SGIP1: variants seen among roughly 807,000 people sequenced by gnomAD.
SGIP1 encodes the protein SH3-containing GRB2-like protein 3-interacting protein 1.
In SGIP1, 38 loss-of-function variants were observed where a neutral mutation model predicts 107.5. That is an observed-to-expected ratio of 0.35 (90% CI 0.27 to 0.46). The LOEUF is 0.46. Among genes scored for constraint, SGIP1 ranks in the 20% least tolerant of loss-of-function variants. The probability of loss-of-function intolerance (pLI) is 1.00; values close to 1 mark genes in which losing one functional copy is unlikely to be tolerated. For synonymous variants in SGIP1, 365 were observed against 366.1 expected, an observed-to-expected ratio of 1.00 and a Z score of 0.03; for missense variants, 929 against 1,019.5, an observed-to-expected ratio of 0.91 and a Z score of 1.21.
intron 15 of SGIP1, chr1:66,684,247 G>C: frequency 6.5e-7 from 1 of 1,549,244 alleles, no homozygotes; most frequent in South Asian, 1.2e-5. Flanking sequence ...CTTTTGTAAG[G>C]TTTGGTCATA....
intron 8 of SGIP1, among the ~76,000 whole-genome samples, chr1:66,665,283 C>T (rs898630466): frequency 3.3e-5 from 5 of 152,160 alleles, no homozygotes; most frequent in East Asian, 1.9e-4. Flanking sequence ...TCATCCATGT[C>T]CCTGCAAAGG....
At chr1:66,663,861 G>A (rs1481795534) in intron 8 of SGIP1, among the ~76,000 whole-genome samples, 2 of 152,126 alleles carry the variant, frequency 1.3e-5, no homozygotes, top group Non-Finnish European at 2.9e-5. Context: ...TAATATATTT[G>A]AAATTATTTT....
At position 66,750,918 on chromosome 1, in the gene SGIP1, T is replaced by C. The variant is rs1251871045; in HGVS notation, c.*7823T>C. 6.6e-6 allele frequency among the ~76,000 whole-genome samples: 1 copy of C among 152,240 alleles called. No homozygotes were observed. Among genetic ancestry groups the C allele is most frequent in the South Asian group, 2.1e-4 (1 of 4,828 alleles). ...GTTAGAAATAGTATGGATATCACTC[T>C]TTGTAAATAATAATTTTTGTAAATG... On this transcript the variant is annotated 3_prime_UTR_variant, in exon 25 of 25. Transcript: ENST00000371037.
At chr1:66,676,189 A>G (rs1441169213) in intron 12 of SGIP1, among the ~76,000 whole-genome samples, 1 of 152,230 alleles carries the variant, frequency 6.6e-6, no homozygotes, top group Non-Finnish European at 1.5e-5. Context: ...GAGGTTAAGC[A>G]ACCTGCCAAG....
At chr1:66,731,218 C>T (rs369624677) in intron 20 of SGIP1, among the ~76,000 whole-genome samples, 3 of 152,162 alleles carry the variant, frequency 2.0e-5, no homozygotes, top group Non-Finnish European at 2.9e-5. Context: ...TCTCTTAATT[C>T]GAATTCTTGC....
At chr1:66,595,057 C>T (rs143445938) in intron 1 of SGIP1, among the ~76,000 whole-genome samples, 1 of 152,258 alleles carries the variant, frequency 6.6e-6, no homozygotes, top group East Asian at 1.9e-4. Context: ...ACTACAGAGA[C>T]AAATTTTCCA....
At chr1:66,574,503 A>G (rs2060792717) in intron 1 of SGIP1, among the ~76,000 whole-genome samples, 3 of 152,288 alleles carry the variant, frequency 2.0e-5, no homozygotes, top group South Asian at 4.1e-4. Context: ...AATTAGGCAC[A>G]TGTGTTATAC....
intron 9 of SGIP1, among the ~76,000 whole-genome samples, chr1:66,670,354 G>C (rs2083487284): frequency 6.6e-6 from 1 of 152,226 alleles, no homozygotes; most frequent in African/African-American, 2.4e-5. Context: ...ATATCACAAT[G>C]CCTTGAGCTA....
intron 1 of SGIP1, among the ~76,000 whole-genome samples, chr1:66,606,965 A>G (rs2066967514): frequency 6.6e-6 from 1 of 152,174 alleles, no homozygotes; most frequent in East Asian, 1.9e-4. Flanking sequence ...TCACTGCTAT[A>G]TGGTGTAAGA....
chr1:66,628,001 G>C (rs2073326483), intron 2 of SGIP1, among the ~76,000 whole-genome samples: 1 of 148,612 alleles, frequency 6.7e-6, no homozygotes, highest in East Asian at 2.0e-4. Flanking sequence ...TGTGGTGTTT[G>C]ATTTTTTGTC....
intron 1 of SGIP1, among the ~76,000 whole-genome samples, chr1:66,556,179 G>A (rs1295851312): frequency 6.6e-6 from 1 of 152,122 alleles, no homozygotes; most frequent in East Asian, 1.9e-4. Context: ...TTTAGATTCA[G>A]CTCTTGCTTA....
chr1:66,544,896 TC>T (rs1195617314), intron 1 of SGIP1, among the ~76,000 whole-genome samples: 5 of 152,160 alleles, frequency 3.3e-5, no homozygotes, highest in Non-Finnish European at 7.4e-5. Context: ...CCATTAAATT[TC>T]TCTTAGCCTT....
intron 1 of SGIP1, among the ~76,000 whole-genome samples, chr1:66,581,073 A>C (rs962496022): frequency 1.1e-4 from 17 of 152,078 alleles, no homozygotes; most frequent in Non-Finnish European, 1.8e-4. Flanking sequence ...TTCTCGTCAC[A>C]ATTACTTATC....
chr1:66,633,608 C>T (rs1449365059), intron 3 of SGIP1, among the ~76,000 whole-genome samples: 2 of 152,142 alleles, frequency 1.3e-5, no homozygotes, highest in Non-Finnish European at 2.9e-5. Flanking sequence ...GAAAATGTGT[C>T]CACTGGGTTT....
intron 18 of SGIP1, among the ~76,000 whole-genome samples, chr1:66,709,475 T>C (rs2092762888): frequency 6.6e-6 from 1 of 152,110 alleles, no homozygotes; most frequent in Non-Finnish European, 1.5e-5. Flanking sequence ...CCTCTCAGAC[T>C]CAGTTTCTTG....
intron 7 of SGIP1, among the ~76,000 whole-genome samples, chr1:66,645,069 A>G (rs2077432433): frequency 6.6e-6 from 1 of 152,182 alleles, no homozygotes; most frequent in South Asian, 2.1e-4. Flanking sequence ...ATCTCCTTAA[A>G]TGTCTAAAAC....
chr1:66,734,521 T>C (rs1296142690), intron 21 of SGIP1, among the ~76,000 whole-genome samples: 1 of 151,304 alleles, frequency 6.6e-6, no homozygotes, highest in Non-Finnish European at 1.5e-5. Context: ...TTTTTTTTTT[T>C]TGAGACAGAG....
Position 66,625,839 on chromosome 1 carries a change from T to A in SGIP1, c.11-8T>A. On this transcript the variant is annotated splice_region_variant and splice_polypyrimidine_tract_variant and intron_variant, in intron 1 of 24. Transcript: ENST00000371037. Reference sequence around the variant, plus strand: ...GAGAGTTTTTGACCCTTTGCTGTTTTCCCACAGGATTGAAAAAACGTACAA... The same window carrying A: ...GAGAGTTTTTGACCCTTTGCTGTTTACCCACAGGATTGAAAAAACGTACAA... 3 of 1,612,012 alleles carry A rather than the reference T, an allele frequency of 1.9e-6. No individual in the cohort carries two copies. The highest frequency in any genetic ancestry group is 1.7e-4 in the Middle Eastern group (1 of 6,042).
intron 20 of SGIP1, among the ~76,000 whole-genome samples, chr1:66,729,623 ATATAC>A (rs2093916503): frequency 6.6e-6 from 1 of 152,172 alleles, no homozygotes; most frequent in Non-Finnish European, 1.5e-5. Context: ...CTGCATATGC[ATATAC>A]GTGTTTTAAT....
Sources: allele counts gnomAD v4.1 joint callset (sites outside exome capture counted in the v4.1 genomes callset), GRCh38; gene constraint gnomAD v4.1.1; transcripts MANE v1.5; gene names NCBI Gene and HGNC (gene_info 2026-07-23, HGNC 2026-07-21).